RRM2: variants seen among roughly 807,000 people sequenced by gnomAD.
The protein encoded by RRM2 is ribonucleotide reductase regulatory subunit M2.
In RRM2, 6 loss-of-function variants were observed where a neutral mutation model predicts 45.9. The ratio of observed to expected loss-of-function variants is 0.13; its 90% confidence interval spans 0.07 to 0.26. The LOEUF (loss-of-function observed/expected upper bound fraction) is 0.26, where lower values mean the gene tolerates loss of function less well. Ranked by LOEUF, RRM2 falls within the 10% of genes least tolerant of loss-of-function variation. RRM2 has a pLI of 1.00. For synonymous variants in RRM2, 177 were observed against 173.0 expected (o/e 1.02, Z -0.18); for missense variants, 343 against 489.5 (o/e 0.70, Z 2.82).
intron 3 of RRM2, among the ~76,000 whole-genome samples, chr2:10,188,833 T>G (rs996338800): frequency 5.3e-5 from 8 of 152,056 alleles, no homozygotes; most frequent in African/African-American, 1.9e-4. Context: ...GAGAGAGTGG[T>G]GTGTGTCTTC....
intron 3 of RRM2, among the ~76,000 whole-genome samples, chr2:10,170,918 C>T (rs563051821): frequency 5.7e-4 from 87 of 152,340 alleles, no homozygotes; most frequent in Non-Finnish European, 9.3e-4. Context: ...GGAGAAGTGA[C>T]GTCCTTTAAA....
chr2:10,210,107 G>C (rs1023553974), intron 3 of RRM2, among the ~76,000 whole-genome samples: 2 of 152,124 alleles, frequency 1.3e-5, no homozygotes, highest in Admixed American at 1.3e-4. Context: ...TGCCTGGCTT[G>C]CCTTGGCCCC....
At chr2:10,182,324 C>T (rs141732236) in intron 3 of RRM2, among the ~76,000 whole-genome samples, 95 of 151,520 alleles carry the variant, frequency 6.3e-4, no homozygotes, top group Admixed American at 1.2e-3. Context: ...GCAGCCTGGA[C>T]GACAGAGGAA....
intron 3 of RRM2, among the ~76,000 whole-genome samples, chr2:10,162,422 CT>C (rs1311386486): frequency 6.6e-6 from 1 of 152,148 alleles, no homozygotes; most frequent in Non-Finnish European, 1.5e-5. Flanking sequence ...AGTCTCAGCT[CT>C]GCCATTTCTT....
chr2:10,143,418 C>A (rs1427615649), intron 3 of RRM2, among the ~76,000 whole-genome samples: 3 of 152,246 alleles, frequency 2.0e-5, no homozygotes, highest in African/African-American at 7.2e-5. Context: ...GAATCGTACA[C>A]TTTTCTGATG....
At chr2:10,189,002 C>T (rs930241597) in intron 3 of RRM2, among the ~76,000 whole-genome samples, 1 of 152,194 alleles carries the variant, frequency 6.6e-6, no homozygotes, top group African/African-American at 2.4e-5. Flanking sequence ...ATGCTGCTGC[C>T]TCCCACACAT....
At chr2:10,132,493 A>T (rs1277506237), downstream of RRM2, among the ~76,000 whole-genome samples, 1 of 151,996 alleles carries the variant, frequency 6.6e-6, no homozygotes, top group East Asian at 1.9e-4. Flanking sequence ...TCTCATGAAG[A>T]TTTCTTCCCG....
downstream of RRM2, among the ~76,000 whole-genome samples, chr2:10,134,501 A>G (rs957669977): frequency 6.6e-6 from 1 of 152,240 alleles, no homozygotes. Context: ...AAAAACCTTC[A>G]CATAAATTTG....
intron 3 of RRM2, among the ~76,000 whole-genome samples, chr2:10,196,292 C>T (rs777198928): frequency 6.6e-6 from 1 of 152,170 alleles, no homozygotes; most frequent in Admixed American, 6.5e-5. Context: ...TGCAGGCCCA[C>T]GGCTCAGCAG....
chr2:10,195,794 G>A lies in RRM2; in HGVS notation n.483-14517G>A, dbSNP rs752651572. 6.6e-6 allele frequency among the ~76,000 whole-genome samples: 1 copy of A among 152,186 alleles called. No individual in the cohort carries two copies. Among genetic ancestry groups the A allele is most frequent in the African/African-American group, 2.4e-5 (1 of 41,438 alleles). ...TCCTGTGTAGGACTGGTTGCCACAG[G>A]TAAGTAGTGACCTGGCCTGGCCGAT... On this transcript the variant is annotated intron_variant and non_coding_transcript_variant, in intron 3 of 3. Coordinates refer to the RRM2 transcript ENST00000381786. This position sits in a 1 kb window ranked among gnomAD's most constrained non-coding sequence, Gnocchi z 4.9.
intron 3 of RRM2, among the ~76,000 whole-genome samples, chr2:10,157,183 C>T (rs967738975): frequency 6.6e-5 from 10 of 152,172 alleles, no homozygotes; most frequent in South Asian, 2.1e-4. Context: ...CGCCCGCCAC[C>T]GCGCCCGGCT....
intron 3 of RRM2, among the ~76,000 whole-genome samples, chr2:10,201,466 A>G (rs1319256684): frequency 6.6e-6 from 1 of 152,220 alleles, no homozygotes; most frequent in East Asian, 1.9e-4. Flanking sequence ...GTCCTGCCTG[A>G]TATCAATGAA....
At chr2:10,154,845 C>T (rs1332273975) in intron 3 of RRM2, among the ~76,000 whole-genome samples, 3 of 151,654 alleles carry the variant, frequency 2.0e-5, no homozygotes, top group African/African-American at 4.8e-5. Context: ...TACAGGCATG[C>T]GCCACCATGC....
At chr2:10,177,566 T>G (rs1663942407) in intron 3 of RRM2, among the ~76,000 whole-genome samples, 1 of 152,040 alleles carries the variant, frequency 6.6e-6, no homozygotes, top group Admixed American at 6.6e-5. Flanking sequence ...GTGTGTGTGT[T>G]CCTCTAGTTC....
chr2:10,157,858 T>A (rs1170047263), intron 3 of RRM2, among the ~76,000 whole-genome samples: 4 of 152,150 alleles, frequency 2.6e-5, no homozygotes, highest in African/African-American at 9.7e-5. Context: ...AAGGGGCAGG[T>A]GACGTATTTT....
intron 3 of RRM2, among the ~76,000 whole-genome samples, chr2:10,161,951 G>A (rs927793215): frequency 7.2e-5 from 11 of 152,334 alleles, no homozygotes; most frequent in Middle Eastern, 3.4e-3. Context: ...GCAGAAAACC[G>A]GGAGAGGGGA....
chr2:10,155,040 TA>T (rs373914389), intron 3 of RRM2: 3,860 of 166,528 alleles, frequency 0.023, 104 homozygotes, highest in African/African-American at 0.074. Context: ...AATTGCTCTG[TA>T]AAAAAAAAAA....
intron 3 of RRM2, among the ~76,000 whole-genome samples, chr2:10,202,210 GAA>G (rs912700569): frequency 6.6e-6 from 1 of 150,602 alleles, no homozygotes; most frequent in South Asian, 2.1e-4. Context: ...TTATCCAACT[GAA>G]AAAAAAATCC....
exon 4 of RRM2, chr2:10,210,584 C>T (rs1340645720): frequency 7.3e-7 from 1 of 1,365,740 alleles, no homozygotes; most frequent in South Asian, 1.1e-5. Flanking sequence ...CTCAGACCCC[C>T]CAGGGCCCCA....
Sources: gnomAD v4.1 joint callset for allele counts (sites outside exome capture counted in the v4.1 genomes callset) on GRCh38, gnomAD v4.1.1 for gene constraint, Gnocchi (gnomAD v3.1) non-coding constraint, MANE v1.5 for transcripts, NCBI Gene and HGNC (gene_info 2026-07-23, HGNC 2026-07-21) for gene names.